The following TCF15 variants were observed in gnomAD, a reference collection of about 807,000 sequenced individuals.
The protein encoded by TCF15 is transcription factor 15.
Under a neutral mutation model 11.1 loss-of-function variants are expected in TCF15, and 7 were observed. The ratio of observed to expected loss-of-function variants is 0.63; its 90% confidence interval spans 0.36 to 1.19. The LOEUF is 1.19. Among genes scored for constraint, TCF15 ranks in the 50% most tolerant of loss-of-function variants. The probability of loss-of-function intolerance (pLI) is 0.02; values close to 1 mark genes in which losing one functional copy is unlikely to be tolerated. For missense variants in TCF15, 288 were observed against 289.4 expected, an observed-to-expected ratio of 1.00 and a Z score of 0.03; for synonymous variants, 144 against 138.9, an observed-to-expected ratio of 1.04 and a Z score of -0.26.
At chr20:605,170 C>T (rs1037316907) in intron 1 of TCF15, among the ~76,000 whole-genome samples, 16 of 152,238 alleles carry the variant, frequency 1.1e-4, no homozygotes, top group Middle Eastern at 3.4e-3. Context: ...TTTGTATTCA[C>T]GCTATACTTT....
Position 609,572 on chromosome 20 carries a change from G to A in TCF15, c.525+141C>T, listed in dbSNP as rs2020004280. The A allele has an allele frequency of 1.0e-6, 1 of 994,124 alleles. No individual in the cohort carries two copies. The highest frequency in any genetic ancestry group is 3.5e-5 in the South Asian group (1 of 28,938). 61.6% of individuals were successfully genotyped at this position (994,124 alleles called of 1,614,324 possible). ...GCATTAAGTCAGTGGTTCTGGGCTT[G>A]GGGTGCCGCACCCAGCACGAATTCC... On this transcript the variant is annotated intron_variant, in intron 1 of 1. Transcript: ENST00000246080. This position sits in a 1 kb window ranked among gnomAD's most constrained non-coding sequence, Gnocchi z 4.7.
Sources: gnomAD v4.1 joint callset for allele counts (sites outside exome capture counted in the v4.1 genomes callset) on GRCh38, gnomAD v4.1.1 for gene constraint, Gnocchi (gnomAD v3.1) non-coding constraint, MANE v1.5 for transcripts, NCBI Gene and HGNC (gene_info 2026-07-23, HGNC 2026-07-21) for gene names.